SERBP1: variants seen among roughly 807,000 people sequenced by gnomAD.
SERBP1 encodes the protein SERPINE1 mRNA binding protein 1, also known as SERPINE1 mRNA-binding protein 1.
Under a neutral mutation model 50.2 loss-of-function variants are expected in SERBP1, and 6 were observed. That is an observed-to-expected ratio of 0.12 (90% CI 0.07 to 0.24). The LOEUF is 0.24. Ranked by LOEUF, SERBP1 falls within the 10% of genes least tolerant of loss-of-function variation. SERBP1 has a pLI of 1.00. For synonymous variants in SERBP1, 168 were observed against 182.8 expected, an observed-to-expected ratio of 0.92 and a Z score of 0.65; for missense variants, 346 against 524.9, an observed-to-expected ratio of 0.66 and a Z score of 3.33.
chr1:67,421,184 T>C (rs1011700715), intron 5 of SERBP1, among the ~76,000 whole-genome samples: 1 of 151,602 alleles, frequency 6.6e-6, no homozygotes, highest in Non-Finnish European at 1.5e-5. Context: ...ATTGACAGGA[T>C]CTTGGGATCT....
At chr1:67,422,616 G>A (rs1207722683) in intron 5 of SERBP1, among the ~76,000 whole-genome samples, 1 of 150,754 alleles carries the variant, frequency 6.6e-6, no homozygotes, top group Non-Finnish European at 1.5e-5. Context: ...TAAATAACCT[G>A]TAATCCAAGA....
In SERBP1 at chr1:67,411,936, C is replaced by T. The variant is rs527910160; in HGVS notation, c.*1271G>A. The T allele has an allele frequency of 6.6e-6, 1 of 152,100 alleles. No homozygotes were observed. The highest frequency in any genetic ancestry group is 2.1e-4 in the South Asian group (1 of 4,802). 9.4% of individuals were successfully genotyped at this position (152,100 alleles called of 1,614,324 possible). ...TCCCATTATAGGAATCCATTATTTA[C>T]CTAATTTTCTAATGGAGGAAGAGAG... On this transcript the variant is annotated 3_prime_UTR_variant, in exon 8 of 8. Coordinates refer to ENST00000361219, the MANE Select transcript of SERBP1 (RefSeq NM_001018069.2).
At chr1:67,424,574 A>G (rs1667308932) in intron 4 of SERBP1, among the ~76,000 whole-genome samples, 1 of 152,244 alleles carries the variant, frequency 6.6e-6, no homozygotes, top group South Asian at 2.1e-4. Context: ...ATGACAACAA[A>G]GTCAAAAGCT....
rs1553132862 is a variant in SERBP1 at position 67,409,421 on chromosome 1, C to CACACACACACACACACA, written c.*3785_*3786insTGTGTGTGTGTGTGTGT. On this transcript the variant is annotated 3_prime_UTR_variant, in exon 8 of 8. Transcript: ENST00000361219. ...CACACACACACACACACACACACACCCCCACACACACCAGGTCACAGGCTG... is the reference window on the plus strand; with the variant it reads ...CACACACACACACACACACACACACCACACACACACACACACACCCACACACACCAGGTCACAGGCTG... 38 of 108,960 alleles carry CACACACACACACACACA rather than the reference C, an allele frequency of 3.5e-4. 1 individual carries two copies. The highest frequency in any genetic ancestry group is 9.7e-4 in the East Asian group (3 of 3,108). The allele number at this position is 108,960 out of a possible 1,614,324, so 6.7% of individuals were successfully genotyped here.
At chr1:67,429,902 C>T (rs1291736951) in intron 1 of SERBP1, 86 bp downstream of exon 1, 2 of 1,407,718 alleles carry the variant, frequency 1.4e-6, no homozygotes, top group Non-Finnish European at 1.9e-6. Context: ...CGCGGACCCT[C>T]GGAGCTCCAG....
chr1:67,418,870 C>A (rs759267276), intron 6 of SERBP1, among the ~76,000 whole-genome samples: 56 of 152,146 alleles, frequency 3.7e-4, no homozygotes, highest in Non-Finnish European at 3.8e-4. Context: ...TCTGGCACAG[C>A]CCAATTTATG....
rs559362530 is a variant in SERBP1, at chr1:67,409,395, A to T, written c.*3812T>A. The T allele has an allele frequency of 3.8e-5, 4 of 106,308 alleles. No homozygotes were observed. The highest frequency in any genetic ancestry group is 1.4e-4 in the African/African-American group (4 of 28,282). 6.6% of individuals were successfully genotyped at this position (106,308 alleles called of 1,614,324 possible). On this transcript the variant is annotated 3_prime_UTR_variant, in exon 8 of 8. Transcript: ENST00000361219. ...TTAACTCAGGGACACGGACACACAC[A>T]CACACACACACACACACACACACAC...
At chr1:67,413,933 A>G (rs904943155) in intron 7 of SERBP1, among the ~76,000 whole-genome samples, 3 of 151,958 alleles carry the variant, frequency 2.0e-5, no homozygotes, top group African/African-American at 7.3e-5. Flanking sequence ...CAGCCTCCCA[A>G]GTAGCTAGGT....
chr1:67,429,207 AC>A (rs931448155), intron 1 of SERBP1, among the ~76,000 whole-genome samples: 1 of 152,144 alleles, frequency 6.6e-6, no homozygotes, highest in Non-Finnish European at 1.5e-5. Flanking sequence ...AGACCCCACC[AC>A]GTGAAAGATT....
intron 1 of SERBP1, among the ~76,000 whole-genome samples, chr1:67,428,939 G>C (rs1304217924): frequency 7.2e-5 from 11 of 152,124 alleles, no homozygotes; most frequent in Non-Finnish European, 1.5e-4. Flanking sequence ...TCCAACACCT[G>C]CTTGCTATTG....
rs1286876683 is a variant in SERBP1 at position 67,415,315 on chromosome 1, C to T, written c.976G>A (p.Asp326Asn). The part of the protein sequence containing the change: ...EEAHAEDSVM[D>N]HHFRKPANDI... ...TTTGCTGGCTTCCGGAAATGATGGT[C>T]CATAACCGAATCTTCAGCATGAGCC... Residue 326 changes from aspartate (D) to asparagine (N), a missense_variant, in exon 7 of 8, where the codon GAC (aspartate) becomes AAC (asparagine). This residue lies in a region of SERBP1 where 68 missense variants were observed against 97.3 expected (regional missense o/e 0.70). Transcript: ENST00000361219. 1.9e-6 allele frequency: 3 copies of T among 1,599,226 alleles called. No homozygotes were observed. In the Admixed American group the frequency reaches 5.3e-5, roughly 28 times the overall value.
In SERBP1 at chr1:67,425,077, A is replaced by G; in HGVS notation, c.605+6T>C. 1 of 1,608,878 alleles carries G rather than the reference A, an allele frequency of 6.2e-7. No individual in the cohort carries two copies. The highest frequency in any genetic ancestry group is 1.1e-5 in the South Asian group (1 of 90,000). On this transcript the variant is annotated splice_donor_region_variant and intron_variant, in intron 3 of 7. Coordinates refer to ENST00000361219, the MANE Select transcript of SERBP1 (RefSeq NM_001018069.2). ...TTAAAGTAAAATAAAAACCAGTAAGACTTACGATCTATCACTTCCACTATG... is the reference window on the plus strand; with the variant it reads ...TTAAAGTAAAATAAAAACCAGTAAGGCTTACGATCTATCACTTCCACTATG...
Position 67,425,190 on chromosome 1 carries a change from A to C in SERBP1, c.498T>G (p.Gly166=). The change falls in exon 3 of 8, where the codon GGT becomes GGG. Residue 166 remains glycine (G), a synonymous_variant. Coordinates refer to ENST00000361219, the MANE Select transcript of SERBP1 (RefSeq NM_001018069.2). ...PIIDRPIRGR[G]GLGRGRGGRG... ...GGCCCCCTCGACCTCTTCCAAGACC[A>C]CCACGACCTCGAATAGGTCGGTCAA... 1 of 1,610,174 alleles carries C rather than the reference A, an allele frequency of 6.2e-7. No individual in the cohort carries two copies. The highest frequency in any genetic ancestry group is 8.5e-7 in the Non-Finnish European group (1 of 1,179,244).
At chr1:67,425,627 G>T (rs1025766659) in intron 2 of SERBP1, among the ~76,000 whole-genome samples, 1 of 152,262 alleles carries the variant, frequency 6.6e-6, no homozygotes, top group South Asian at 2.1e-4. Context: ...TCTGTATCTG[G>T]AGAGAGAAAG....
Position 67,413,250 on chromosome 1 carries a change from G to A in SERBP1, c.1139C>T (p.Ala380Val). ...GSRTDKSSAS[A>V]PDVDDPEAFP... ...TGCCTCTGGGTCATCCACATCAGGA[G>A]CAGAAGCACTTGACTGAAAAAGAAA... Residue 380 changes from alanine (A) to valine (V), a missense_variant, in exon 8 of 8, where the codon GCT (alanine) becomes GTT (valine). Physicochemically the swap from Ala to Val is moderately conservative, Grantham distance 64. Around this residue, in one of 5 missense-constraint regions of SERBP1, gnomAD observed 68 missense variants for 97.3 expected, o/e 0.70. Coordinates refer to ENST00000361219, the MANE Select transcript of SERBP1 (RefSeq NM_001018069.2). 6.3e-7 allele frequency: 1 copy of A among 1,589,286 alleles called. No individual in the cohort carries two copies. Among genetic ancestry groups the A allele is most frequent in the Non-Finnish European group, 8.5e-7 (1 of 1,171,532 alleles).
chr1:67,422,709 C>G (rs907434378), intron 5 of SERBP1, among the ~76,000 whole-genome samples: 18 of 152,106 alleles, frequency 1.2e-4, no homozygotes. Context: ...CCCGTAATCC[C>G]AGCACTTTGG....
At position 67,430,379 on chromosome 1, in the gene SERBP1, C is replaced by A. The variant is rs1271905313; in HGVS notation, c.-79G>T. The A allele has an allele frequency of 4.2e-6, 6 of 1,415,902 alleles. No homozygotes were observed. In the African/African-American group the frequency reaches 8.8e-5, roughly 21 times the overall value. The allele number at this position is 1,415,902 out of a possible 1,614,324, so 87.7% of individuals were successfully genotyped here. ...CAAGAGCGCCTGCTTCAGCTCTTCC[C>A]ACAAGATGGCCGGGCCGAGAGAGGG... On this transcript the variant is annotated 5_prime_UTR_variant, in exon 1 of 8. Transcript: ENST00000361219.
Position 67,413,273 on chromosome 1 carries a change from A to G in SERBP1, c.1126-10T>C, listed in dbSNP as rs747166307. 6.3e-7 allele frequency: 1 copy of G among 1,581,812 alleles called. No homozygotes were observed. Among genetic ancestry groups the G allele is most frequent in the Non-Finnish European group, 8.6e-7 (1 of 1,168,618 alleles). The stretch of plus-strand genomic sequence containing the variant: ...GAGCAGAAGCACTTGACTGAAAAAG[A>G]AAAACCAAAATTAACCACAGTTCTC... On this transcript the variant is annotated splice_polypyrimidine_tract_variant and intron_variant, in intron 7 of 7. Coordinates refer to ENST00000361219, the MANE Select transcript of SERBP1 (RefSeq NM_001018069.2).
intron 5 of SERBP1, 49 bp downstream of exon 5, chr1:67,424,150 TC>T: frequency 6.4e-7 from 1 of 1,551,148 alleles, no homozygotes; most frequent in Non-Finnish European, 8.7e-7. Flanking sequence ...TTGGTAAAAC[TC>T]CAGTGCTTTC....
Sources: allele counts gnomAD v4.1 joint callset (sites outside exome capture counted in the v4.1 genomes callset), GRCh38; gene constraint gnomAD v4.1.1; regional missense constraint gnomAD v4.1.1; transcripts MANE v1.5; gene names NCBI Gene and HGNC (gene_info 2026-07-23, HGNC 2026-07-21).